The following CSMD1 variants were observed in gnomAD, a reference collection of about 807,000 sequenced individuals.
The protein encoded by CSMD1 is CUB and sushi domain-containing protein 1.
In CSMD1, 213 loss-of-function variants were observed where a neutral mutation model predicts 417.5. The ratio of observed to expected loss-of-function variants is 0.51; its 90% CI spans 0.46 to 0.57. The LOEUF is 0.57. CSMD1 is among the 20% of genes least tolerant of loss of function. CSMD1 has a pLI of 0.00. For missense variants in CSMD1, 6,923 were observed against 4,529.7 expected (o/e 1.53, Z -15.17); for synonymous variants, 2,862 against 1,736.8 (o/e 1.65, Z -16.11).
chr8:4,896,262 T>C (rs545234367), intron 1 of CSMD1, among the ~76,000 whole-genome samples: 23 of 152,166 alleles, frequency 1.5e-4, no homozygotes, highest in Non-Finnish European at 2.5e-4. Flanking sequence ...TCCGTCTCTA[T>C]ATGCTTTTCC....
intron 39 of CSMD1, among the ~76,000 whole-genome samples, chr8:3,154,079 G>C (rs559412809): frequency 2.2e-4 from 34 of 152,124 alleles, no homozygotes; most frequent in Non-Finnish European, 4.4e-4. Flanking sequence ...TGATTCTCCT[G>C]CCTCAGCCTC....
At chr8:3,839,952 T>A (rs1249241483) in intron 5 of CSMD1, among the ~76,000 whole-genome samples, 1 of 152,098 alleles carries the variant, frequency 6.6e-6, no homozygotes, top group Non-Finnish European at 1.5e-5. Context: ...TCTGGATATT[T>A]GGAGACTGAA....
At chr8:3,810,878 G>T (rs140127421) in intron 5 of CSMD1, among the ~76,000 whole-genome samples, 15 of 152,172 alleles carry the variant, frequency 9.9e-5, no homozygotes, top group African/African-American at 3.6e-4. Context: ...TTTAAACGCA[G>T]GCATTTTCAC....
intron 4 of CSMD1, among the ~76,000 whole-genome samples, chr8:4,018,606 G>C (rs569718014): frequency 3.9e-5 from 6 of 152,222 alleles, no homozygotes; most frequent in South Asian, 2.1e-4. Flanking sequence ...GCCCCACTCA[G>C]ACTATTCAGG....
chr8:3,944,786 G>T (rs938880318), intron 5 of CSMD1, among the ~76,000 whole-genome samples: 12 of 152,066 alleles, frequency 7.9e-5, no homozygotes, highest in African/African-American at 2.4e-4. Context: ...ATACCCAAAT[G>T]ATCTATTCTG....
At chr8:3,981,146 T>C (rs563869227) in intron 5 of CSMD1, among the ~76,000 whole-genome samples, 7 of 152,316 alleles carry the variant, frequency 4.6e-5, no homozygotes, top group Admixed American at 1.3e-4. Context: ...AAAACAGTGA[T>C]AGTTACGCTG....
intron 18 of CSMD1, among the ~76,000 whole-genome samples, chr8:3,383,352 C>T (rs924459460): frequency 3.3e-5 from 5 of 151,924 alleles, no homozygotes; most frequent in South Asian, 2.1e-4. Flanking sequence ...TTACTCTGAA[C>T]GGAGGGAAGC....
At chr8:4,819,513 T>C (rs1233166150) in intron 1 of CSMD1, among the ~76,000 whole-genome samples, 2 of 152,198 alleles carry the variant, frequency 1.3e-5, no homozygotes, top group African/African-American at 4.8e-5. Context: ...CTATATTAAT[T>C]CTGATTTTAT....
In CSMD1 at chr8:3,729,961, AC is replaced by A. The variant is rs147554179; in HGVS notation, c.932-21471del. On this transcript the variant is annotated intron_variant, in intron 6 of 69. Transcript: ENST00000635120. ...AAAAAAAAAAAAAAAAAAAAAAAAA[AC>A]AAAAACAGAAGAACGGATACATAAT... Among the ~76,000 whole-genome samples the A allele has an allele frequency of 8.9e-3, 101 of 11,394 alleles. 19 individuals are homozygous for A. The highest frequency in any genetic ancestry group is 0.016 in the African/African-American group (95 of 6,062). The allele number at this position is 11,394 out of a possible 152,430, so 7.5% of individuals were successfully genotyped here.
In CSMD1 at chr8:3,399,380, T is replaced by A. The variant is rs1477644046; in HGVS notation, c.2405+11A>T. The A allele has an allele frequency of 6.3e-7, 1 of 1,591,836 alleles. No individual in the cohort carries two copies. Among genetic ancestry groups the A allele is most frequent in the East Asian group, 2.3e-5 (1 of 44,392 alleles). Reference sequence around the variant, plus strand: ...CCATTGGGTCCAAATGAAGACTAATTTTTTTCTTACCTGTCAAAAGTTATT... The same window carrying A: ...CCATTGGGTCCAAATGAAGACTAATATTTTTCTTACCTGTCAAAAGTTATT... On this transcript the variant is annotated intron_variant, in intron 16 of 69. Transcript: ENST00000635120.
chr8:3,806,824 C>T (rs571267097), intron 5 of CSMD1, among the ~76,000 whole-genome samples: 1 of 152,134 alleles, frequency 6.6e-6, no homozygotes, highest in African/African-American at 2.4e-5. Flanking sequence ...ACTACCTTTT[C>T]TAACCATTTG....
chr8:3,496,785 C>A (rs964671376), intron 10 of CSMD1, among the ~76,000 whole-genome samples: 5 of 152,084 alleles, frequency 3.3e-5, no homozygotes, highest in Non-Finnish European at 7.4e-5. Flanking sequence ...GAGATCACCA[C>A]CGCCACTGCA....
chr8:4,135,221 AAGCT>A (rs1432080971), intron 3 of CSMD1, among the ~76,000 whole-genome samples: 6 of 152,144 alleles, frequency 3.9e-5, no homozygotes, highest in African/African-American at 1.4e-4. Flanking sequence ...GTTGAGAATT[AAGCT>A]GTCCCATGGG....
At chr8:4,761,582 C>T (rs977864631) in intron 1 of CSMD1, among the ~76,000 whole-genome samples, 22 of 152,082 alleles carry the variant, frequency 1.4e-4, no homozygotes, top group African/African-American at 3.4e-4. Context: ...AACATAGCTG[C>T]GATGGTTACC....
chr8:3,779,057 C>T (rs1799038988), intron 5 of CSMD1, among the ~76,000 whole-genome samples: 1 of 152,060 alleles, frequency 6.6e-6, no homozygotes, highest in Admixed American at 6.5e-5. Flanking sequence ...AACAAATTAC[C>T]ATTCCTGTTC....
chr8:4,849,288 A>G (rs1282016199), intron 1 of CSMD1, among the ~76,000 whole-genome samples: 2 of 152,220 alleles, frequency 1.3e-5, no homozygotes, highest in Non-Finnish European at 2.9e-5. Context: ...GTGTTATTAC[A>G]AAAGAGTCAC....
intron 3 of CSMD1, among the ~76,000 whole-genome samples, chr8:4,160,320 A>T (rs908601081): frequency 1.3e-5 from 2 of 152,188 alleles, no homozygotes. Flanking sequence ...CAAGCATAAA[A>T]ATAAAATAAT....
chr8:4,891,434 C>A (rs1278048589), intron 1 of CSMD1, among the ~76,000 whole-genome samples: 2 of 152,128 alleles, frequency 1.3e-5, no homozygotes, highest in Non-Finnish European at 2.9e-5. Context: ...ATACATGCTA[C>A]TGTGTGTGAA....
At chr8:4,352,892 G>T (rs550076548) in intron 3 of CSMD1, among the ~76,000 whole-genome samples, 1 of 152,250 alleles carries the variant, frequency 6.6e-6, no homozygotes, top group South Asian at 2.1e-4. Flanking sequence ...AATTACCTCA[G>T]AAAATGACAC....
Sources: allele counts gnomAD v4.1 joint callset (sites outside exome capture counted in the v4.1 genomes callset), GRCh38; gene constraint gnomAD v4.1.1; transcripts MANE v1.5; gene names NCBI Gene and HGNC (gene_info 2026-07-23, HGNC 2026-07-21).